Variants in SBNO2 observed in about 807,000 individuals in gnomAD.
SBNO2 encodes the protein strawberry notch homolog 2, also known as protein strawberry notch homolog 2.
In SBNO2, 89 loss-of-function variants were observed where a neutral mutation model predicts 146.3. That is an observed-to-expected ratio of 0.61 (90% CI 0.51 to 0.73). The LOEUF is 0.73. Among genes scored for constraint, SBNO2 ranks in the 30% least tolerant of loss-of-function variants. SBNO2 has a pLI of 0.00. For missense variants in SBNO2, 2,092 were observed against 2,003.7 expected (o/e 1.04, Z -0.84); for synonymous variants, 1,147 against 892.6 (o/e 1.29, Z -5.08).
chr19:1,172,182 G>A (rs1385219384), intron 1 of SBNO2, among the ~76,000 whole-genome samples: 1 of 152,182 alleles, frequency 6.6e-6, no homozygotes, highest in Non-Finnish European at 1.5e-5. Flanking sequence ...GGGGCTGGCA[G>A]GCGCCTTCCA....
At chr19:1,162,533 C>G (rs2080358904) in intron 1 of SBNO2, among the ~76,000 whole-genome samples, 1 of 151,904 alleles carries the variant, frequency 6.6e-6, no homozygotes, top group Non-Finnish European at 1.5e-5. Context: ...ATCTGGCTTC[C>G]TCTCACCCAT....
At chr19:1,147,264 C>G (rs780489604) in intron 4 of SBNO2, 45 bp downstream of exon 4, 1 of 1,340,768 alleles carries the variant, frequency 7.5e-7, no homozygotes. Flanking sequence ...GCGGCCCAGA[C>G]TCCACCCTGC....
At chr19:1,161,940 C>A (rs533925939) in intron 1 of SBNO2, among the ~76,000 whole-genome samples, 104 of 91,044 alleles carry the variant, frequency 1.1e-3, no homozygotes, top group African/African-American at 4.7e-3. Context: ...GCCAGGCCTG[C>A]GGGGAGGAGC....
At chr19:1,132,894 A>T (rs990260206) in intron 4 of SBNO2, among the ~76,000 whole-genome samples, 2 of 152,230 alleles carry the variant, frequency 1.3e-5, no homozygotes, top group Non-Finnish European at 2.9e-5. Flanking sequence ...AACAAGTGGT[A>T]GCGTCCTGGG....
chr19:1,108,233 T>C lies in SBNO2; in HGVS notation c.4088A>G (p.Gln1363Arg), dbSNP rs761214412. The C allele has an allele frequency of 2.8e-5, 42 of 1,526,412 alleles. No homozygotes were observed. Among genetic ancestry groups the C allele is most frequent in the Middle Eastern group, 2.2e-4 (1 of 4,632 alleles). 94.6% of individuals were successfully genotyped at this position (1,526,412 alleles called of 1,614,324 possible). Residue 1363 changes from glutamine (Q) to arginine (R), a missense_variant, in exon 32 of 32, where the codon CAG becomes CGG. Transcript: ENST00000361757. ...CCTAAAGGCGTGTCAGAGAGGAGCCTGGGCGCCGGGGAAGGGTGGGCTGAA... is the reference window on the plus strand; with the variant it reads ...CCTAAAGGCGTGTCAGAGAGGAGCCCGGGCGCCGGGGAAGGGTGGGCTGAA... Reference protein sequence around the residue: ...IQFSPPFPGAQAPL With the variant: ...IQFSPPFPGARAPL
At chr19:1,128,898 G>C (rs1251756524) in intron 4 of SBNO2, among the ~76,000 whole-genome samples, 1 of 151,762 alleles carries the variant, frequency 6.6e-6, no homozygotes, top group Non-Finnish European at 1.5e-5. Flanking sequence ...AGCCCAGAGG[G>C]GTCAAGGCTG....
At position 1,111,180 on chromosome 19, in the gene SBNO2, T is replaced by G. The variant is rs2079754779; in HGVS notation, c.2810-87A>C. 93 of 1,409,812 alleles carry G rather than the reference T, an allele frequency of 6.6e-5. No individual in the cohort carries two copies. The South Asian group carries it at 1.2e-3, about 18-fold the overall frequency. 87.3% of individuals were successfully genotyped at this position (1,409,812 alleles called of 1,614,324 possible). ...AGCTCCTTTTCCAGAGACCAGCAGC[T>G]CCCTGGGGGGCTGGGGAGCAGCTGC... On this transcript the variant is annotated intron_variant, in intron 24 of 31. Transcript: ENST00000361757.
At chr19:1,169,064 A>C (rs2080453032) in intron 1 of SBNO2, 1 of 152,256 alleles carries the variant, frequency 6.6e-6, no homozygotes, top group Admixed American at 6.5e-5. Context: ...ATGGAGGTCA[A>C]TCACAAGGCT....
chr19:1,114,792 G>T (rs997505628), intron 17 of SBNO2, among the ~76,000 whole-genome samples: 1 of 151,266 alleles, frequency 6.6e-6, no homozygotes, highest in African/African-American at 2.4e-5. Flanking sequence ...CCACCACCAC[G>T]CCTGGCTAAT....
rs2080128401 is a variant in SBNO2 at position 1,140,805 on chromosome 19, TGA to T, written c.279+6502_279+6503del. Among the ~76,000 whole-genome samples, 2 of 151,858 alleles carry T rather than the reference TGA, an allele frequency of 1.3e-5. No individual in the cohort carries two copies. Among genetic ancestry groups the T allele is most frequent in the Non-Finnish European group, 2.9e-5 (2 of 67,970 alleles). The stretch of plus-strand genomic sequence containing the variant: ...CTCAGCCTTGGGTCTTCCCCCAGGC[TGA>T]GAGAAACAGGAAATGGATGGTGAAG... On this transcript the variant is annotated intron_variant, in intron 4 of 31. Coordinates refer to ENST00000361757, the MANE Select transcript of SBNO2 (RefSeq NM_014963.3). This position sits in a 1 kb window ranked among gnomAD's most constrained non-coding sequence, Gnocchi z 4.4.
rs777318279 is a variant in SBNO2 at position 1,123,964 on chromosome 19, G to T, written c.500C>A (p.Thr167Asn). The part of the protein sequence containing the change: ...GFEDFLPSHS[T>N]PLLVSYQEQS... ...CACCTGGTAGCTGACGAGAAGCGGGGTGCTGTGGGAGGGCAGAAAGTCCTC... is the reference window on the plus strand; with the variant it reads ...CACCTGGTAGCTGACGAGAAGCGGGTTGCTGTGGGAGGGCAGAAAGTCCTC... The change falls in exon 6 of 32, where the codon ACC becomes AAC. Residue 167 changes from threonine (T) to asparagine (N), a missense_variant. Coordinates refer to ENST00000361757, the MANE Select transcript of SBNO2 (RefSeq NM_014963.3). 6.2e-7 allele frequency: 1 copy of T among 1,611,824 alleles called. No homozygotes were observed. Among genetic ancestry groups the T allele is most frequent in the Non-Finnish European group, 8.5e-7 (1 of 1,179,378 alleles).
At chr19:1,123,696 G>C (rs2079932508) in intron 6 of SBNO2, 57 bp from the exon 7 acceptor site, 3 of 1,512,424 alleles carry the variant, frequency 2.0e-6, no homozygotes, top group Non-Finnish European at 1.8e-6. Context: ...CGCGGGCACT[G>C]GGCTCCCCCA....
At chr19:1,148,073 G>A (rs568178311) in intron 3 of SBNO2, among the ~76,000 whole-genome samples, 10 of 152,130 alleles carry the variant, frequency 6.6e-5, no homozygotes, top group South Asian at 6.2e-4. Context: ...GGTGGCCGCC[G>A]TCCCCAGGGC....
intron 7 of SBNO2, 77 bp from the exon 8 acceptor site, chr19:1,123,122 G>T: frequency 6.6e-7 from 1 of 1,512,354 alleles, no homozygotes; most frequent in Non-Finnish European, 8.9e-7. Context: ...CACGCTGGGC[G>T]GGTCTGGGGC....
At position 1,157,430 on chromosome 19, in the gene SBNO2, C is replaced by T. The variant is rs1004354562; in HGVS notation, c.-126-3028G>A. Among the ~76,000 whole-genome samples the T allele has an allele frequency of 2.0e-5, 3 of 152,254 alleles. No individual in the cohort carries two copies. The highest frequency in any genetic ancestry group is 4.8e-5 in the African/African-American group (2 of 41,526). ...CGCGGCCCCGGAGACCCTCTCCCCA[C>T]GCGGCCCCGGTGACACGGCCCACCC... On this transcript the variant is annotated intron_variant, in intron 1 of 31. Coordinates refer to ENST00000361757, the MANE Select transcript of SBNO2 (RefSeq NM_014963.3). The surrounding 1 kb of genome is among the most constrained non-coding windows in gnomAD (Gnocchi z 6.8).
chr19:1,167,429 G>C (rs777358705), intron 1 of SBNO2, among the ~76,000 whole-genome samples: 1 of 152,228 alleles, frequency 6.6e-6, no homozygotes, highest in Non-Finnish European at 1.5e-5. Flanking sequence ...TTCTCCGGGA[G>C]AGTCCGCGCC....
chr19:1,117,427 C>A lies in SBNO2; in HGVS notation c.1600G>T (p.Gly534Cys). Residue 534 changes from glycine (G) to cysteine (C), a missense_variant, in exon 15 of 32, where the codon GGC (glycine) becomes TGC (cysteine). By Grantham distance (159) the Gly-to-Cys change is radical (BLOSUM62 -3). Coordinates refer to ENST00000361757, the MANE Select transcript of SBNO2 (RefSeq NM_014963.3). ...CGCTGGTGTGCCGACCAGAACTGGC[C>A]CCACAGGGACTTGCGCGACTCCAGG... is the stretch of plus-strand genomic sequence containing the variant. ...IGLESRKSLW[G>C]QFWSAHQRFF... 1 of 1,590,994 alleles carries A rather than the reference C, an allele frequency of 6.3e-7. No homozygotes were observed. Among genetic ancestry groups the A allele is most frequent in the Non-Finnish European group, 8.5e-7 (1 of 1,170,214 alleles).
chr19:1,170,904 C>CA, intron 1 of SBNO2, among the ~76,000 whole-genome samples: 1 of 133,438 alleles, frequency 7.5e-6, no homozygotes, highest in East Asian at 2.2e-4. Context: ...CACACGCAAG[C>CA]ATGGGCACAT....
In SBNO2 at chr19:1,108,349, G is replaced by A. The variant is rs2079699668; in HGVS notation, c.3972C>T (p.His1324=). Residue 1324 remains histidine, a synonymous_variant, in exon 32 of 32, where the codon CAC becomes CAT. Coordinates refer to ENST00000361757, the MANE Select transcript of SBNO2 (RefSeq NM_014963.3). ...GCGCGCCCTCGGAGGGCGGCCCCGC[G>A]TGCAGCGAGCGCAGCATGTCCTCCA... The part of the protein sequence containing the change: ...EVLEDMLRSL[H]AGPPSEGALG... 8 of 1,303,760 alleles carry A rather than the reference G, an allele frequency of 6.1e-6. No homozygotes were observed. The highest frequency in any genetic ancestry group is 4.3e-5 in the Admixed American group (1 of 23,118). The allele number at this position is 1,303,760 out of a possible 1,614,324, so 80.8% of individuals were successfully genotyped here. A position where few individuals can be genotyped will look rare whatever the true frequency, so the allele number is the denominator to read the frequency against.
Sources: gnomAD v4.1 joint callset for allele counts (sites outside exome capture counted in the v4.1 genomes callset) on GRCh38, gnomAD v4.1.1 for gene constraint, Gnocchi (gnomAD v3.1) non-coding constraint, MANE v1.5 for transcripts, NCBI Gene and HGNC (gene_info 2026-07-23, HGNC 2026-07-21) for gene names.